Variants in HIBCH observed in about 807,000 individuals in gnomAD.
HIBCH encodes the protein 3-hydroxyisobutyryl-CoA hydrolase, also known as 3-hydroxyisobutyryl-CoA hydrolase, mitochondrial.
A neutral mutation model predicts 58.2 loss-of-function variants in HIBCH; 50 were observed. The ratio of observed to expected loss-of-function variants is 0.86; its 90% confidence interval spans 0.68 to 1.09. The LOEUF is 1.09. Ranked by LOEUF, HIBCH falls within the 50% of genes least tolerant of loss-of-function variation. HIBCH has a pLI of 0.00. For synonymous variants in HIBCH, 151 were observed against 146.9 expected, an observed-to-expected ratio of 1.03 and a Z score of -0.20; for missense variants, 450 against 449.7, an observed-to-expected ratio of 1.00 and a Z score of -0.01.
Position 190,294,692 on chromosome 2 carries a change from A to G in HIBCH, c.220-62T>C, listed in dbSNP as rs1437668555. 1.3e-5 allele frequency: 13 copies of G among 998,688 alleles called. No homozygotes were observed. The Admixed American group carries it at 1.4e-4, about 10-fold the overall frequency. 61.9% of individuals were successfully genotyped at this position (998,688 alleles called of 1,614,324 possible). A position where few individuals can be genotyped will look rare whatever the true frequency, so the allele number is the denominator to read the frequency against. Reference sequence around the variant, plus strand: ...ATAAACACAAACTCATTAAAGTTATATGCATATGCACATATATTCAATCAT... The same window carrying G: ...ATAAACACAAACTCATTAAAGTTATGTGCATATGCACATATATTCAATCAT... On this transcript the variant is annotated intron_variant, in intron 3 of 13. Transcript: ENST00000359678.
intron 2 of HIBCH, among the ~76,000 whole-genome samples, chr2:190,300,188 T>C (rs1688224952): frequency 6.6e-6 from 1 of 152,248 alleles, no homozygotes; most frequent in Non-Finnish European, 1.5e-5. Context: ...CACCCAGTAA[T>C]GGAACTGCTG....
Position 190,217,563 on chromosome 2 carries a change from G to GA in HIBCH, c.892-4489dup, listed in dbSNP as rs1685595045. Among the ~76,000 whole-genome samples the GA allele has an allele frequency of 6.6e-6, 1 of 152,120 alleles. No individual in the cohort carries two copies. Among genetic ancestry groups the GA allele is most frequent in the South Asian group, 2.1e-4 (1 of 4,832 alleles). ...GCAGGACTACTAACCTTTCTACTAT[G>GA]AAAATCAAAGACCAATTTTTTAAAA... On this transcript the variant is annotated intron_variant, in intron 11 of 13. Coordinates refer to ENST00000359678, the MANE Select transcript of HIBCH (RefSeq NM_014362.4). The surrounding 1 kb of genome is among the most constrained non-coding windows in gnomAD (Gnocchi z 4.6).
intron 6 of HIBCH, among the ~76,000 whole-genome samples, chr2:190,282,007 CACTTA>C (rs1687717226): frequency 6.6e-6 from 1 of 152,162 alleles, no homozygotes; most frequent in Non-Finnish European, 1.5e-5. Flanking sequence ...TGCCCATGAC[CACTTA>C]AATAATCTCT....
At chr2:190,308,840 A>G (rs1282009275) in intron 2 of HIBCH, among the ~76,000 whole-genome samples, 2 of 152,222 alleles carry the variant, frequency 1.3e-5, no homozygotes, top group Non-Finnish European at 2.9e-5. Context: ...CAGTTGCAAT[A>G]GTTACGTAGT....
chr2:190,283,719 C>T (rs926272863), intron 6 of HIBCH, among the ~76,000 whole-genome samples: 9 of 152,124 alleles, frequency 5.9e-5, no homozygotes, highest in African/African-American at 2.2e-4. Context: ...TGTGGTTGGG[C>T]ATACCTGATG....
chr2:190,230,586 T>C (rs147904710), intron 11 of HIBCH, among the ~76,000 whole-genome samples: 1 of 152,110 alleles, frequency 6.6e-6, no homozygotes, highest in Non-Finnish European at 1.5e-5. Context: ...TCCCAGATAC[T>C]AGGGAGGCTG....
At chr2:190,195,842 G>A (rs6755967) in intron 1 of HIBCH, among the ~76,000 whole-genome samples, 35,012 of 151,284 alleles carry the variant, frequency 0.23, 6,789 homozygotes, top group African/African-American at 0.53. Context: ...AAGGTTATCT[G>A]GATTGTCTCC....
chr2:190,207,444 G>T lies in HIBCH; in HGVS notation c.1045+1436C>A, dbSNP rs1400520596. ...TGCCATCTCCTCTGATCAGCTCCATGTGCTGAATACTAAAAAGATTTCAAT... is the reference window on the plus strand; with the variant it reads ...TGCCATCTCCTCTGATCAGCTCCATTTGCTGAATACTAAAAAGATTTCAAT... On this transcript the variant is annotated intron_variant, in intron 13 of 13. Coordinates refer to ENST00000359678, the MANE Select transcript of HIBCH (RefSeq NM_014362.4). This position sits in a 1 kb window ranked among gnomAD's most constrained non-coding sequence, Gnocchi z 4.5. Among the ~76,000 whole-genome samples the T allele has an allele frequency of 6.6e-6, 1 of 152,152 alleles. No individual in the cohort carries two copies. Among genetic ancestry groups the T allele is most frequent in the Non-Finnish European group, 1.5e-5 (1 of 68,044 alleles).
At chr2:190,302,591 G>C (rs1249498288) in intron 2 of HIBCH, among the ~76,000 whole-genome samples, 2 of 152,150 alleles carry the variant, frequency 1.3e-5, no homozygotes, top group African/African-American at 4.8e-5. Flanking sequence ...AAATCAGCAG[G>C]GGAAAATTTC....
rs545949926 is a variant in HIBCH at position 190,308,818 on chromosome 2, T to G, written c.78+1936A>C. Among the ~76,000 whole-genome samples, 5 of 152,360 alleles carry G rather than the reference T, an allele frequency of 3.3e-5. No individual in the cohort carries two copies. In the South Asian group the frequency reaches 1.0e-3, roughly 32 times the overall value. ...TTCGTATCCCCATCTCCACTTAGGCTTAACAGAGGCACAGTTGCAATAGTT... is the reference window on the plus strand; with the variant it reads ...TTCGTATCCCCATCTCCACTTAGGCGTAACAGAGGCACAGTTGCAATAGTT... On this transcript the variant is annotated intron_variant, in intron 2 of 13. Transcript: ENST00000359678.
intron 1 of HIBCH, 26 bp from the exon 2 acceptor site, chr2:190,310,822 G>C (rs752772032): frequency 2.0e-6 from 3 of 1,525,206 alleles, no homozygotes; most frequent in Non-Finnish European, 2.7e-6. Context: ...AAAACAATGA[G>C]AACAGTAATG....
chr2:190,193,537 G>C (rs1328838675), intron 1 of HIBCH, among the ~76,000 whole-genome samples: 1 of 152,126 alleles, frequency 6.6e-6, no homozygotes, highest in East Asian at 1.9e-4. Flanking sequence ...TTAGGGCCTG[G>C]AGGTTTCTTT....
At chr2:190,252,456 T>A in intron 7 of HIBCH, 149 bp from the exon 8 acceptor site, 1 of 714,484 alleles carries the variant, frequency 1.4e-6, no homozygotes, top group Non-Finnish European at 2.5e-6. Context: ...TACACTGCAA[T>A]CAATATCACA....
In HIBCH at chr2:190,281,502, T is replaced by C. The variant is rs1687703533; in HGVS notation, c.438+6084A>G. ...CATTTGTGCCAGAGCTCTGGGCCTG[T>C]GATGAGAAAGGGAGGCTCAAAGGTC... is the stretch of plus-strand genomic sequence containing the variant. On this transcript the variant is annotated intron_variant, in intron 6 of 13. Coordinates refer to ENST00000359678, the MANE Select transcript of HIBCH (RefSeq NM_014362.4). This position sits in a 1 kb window ranked among gnomAD's most constrained non-coding sequence, Gnocchi z 5.4. Among the ~76,000 whole-genome samples, 1 of 152,088 alleles carries C rather than the reference T, an allele frequency of 6.6e-6. No individual in the cohort carries two copies. The highest frequency in any genetic ancestry group is 2.1e-4 in the South Asian group (1 of 4,814).
At position 190,211,437 on chromosome 2, in the gene HIBCH, T is replaced by C. The variant is rs1249607399; in HGVS notation, c.1011+1519A>G. Among the ~76,000 whole-genome samples, 1 of 152,210 alleles carries C rather than the reference T, an allele frequency of 6.6e-6. No homozygotes were observed. Among genetic ancestry groups the C allele is most frequent in the Non-Finnish European group, 1.5e-5 (1 of 68,032 alleles). ...AAATCTATATCTGGTCTCTAAACCG[T>C]TCTTGAACCTCTCCAACCCTATCTC... On this transcript the variant is annotated intron_variant, in intron 12 of 13. Transcript: ENST00000359678. The surrounding 1 kb of genome is among the most constrained non-coding windows in gnomAD (Gnocchi z 5.0).
At chr2:190,192,894 T>C (rs1689783875) in intron 1 of HIBCH, among the ~76,000 whole-genome samples, 1 of 152,162 alleles carries the variant, frequency 6.6e-6, no homozygotes, top group Non-Finnish European at 1.5e-5. Context: ...CCAGTAAATT[T>C]TTTTTGGGGG....
intron 2 of HIBCH, among the ~76,000 whole-genome samples, chr2:190,303,153 G>A (rs1296392124): frequency 6.6e-6 from 1 of 152,166 alleles, no homozygotes; most frequent in Non-Finnish European, 1.5e-5. Flanking sequence ...CACATATACA[G>A]AAAAAGTACA....
At chr2:190,218,836 A>C (rs1343113831) in intron 11 of HIBCH, among the ~76,000 whole-genome samples, 1 of 152,200 alleles carries the variant, frequency 6.6e-6, no homozygotes, top group African/African-American at 2.4e-5. Context: ...GCAAAGGTCA[A>C]ATCCTAGAGC....
At chr2:190,226,023 T>C (rs1384054647) in intron 11 of HIBCH, among the ~76,000 whole-genome samples, 1 of 152,132 alleles carries the variant, frequency 6.6e-6, no homozygotes, top group Non-Finnish European at 1.5e-5. Context: ...ATTATCTAAA[T>C]AGATGCAGAA....
Sources: gnomAD v4.1 joint callset for allele counts (sites outside exome capture counted in the v4.1 genomes callset) on GRCh38, gnomAD v4.1.1 for gene constraint, Gnocchi (gnomAD v3.1) non-coding constraint, MANE v1.5 for transcripts, NCBI Gene and HGNC (gene_info 2026-07-23, HGNC 2026-07-21) for gene names.